CNTNAP2: variants seen among roughly 807,000 people sequenced by gnomAD.
CNTNAP2 encodes the protein contactin associated protein 2.
A neutral mutation model predicts 155.2 loss-of-function variants in CNTNAP2; 98 were observed. The observed-to-expected ratio is 0.63, with a 90% CI of 0.54 to 0.75. CNTNAP2 has a LOEUF of 0.75. Among genes scored for constraint, CNTNAP2 ranks in the 30% least tolerant of loss-of-function variants. The pLI is 0.00. For missense variants in CNTNAP2, 1,727 were observed against 1,688.1 expected (o/e 1.02, Z -0.40); for synonymous variants, 651 against 631.2 (o/e 1.03, Z -0.47).
chr7:147,157,220 A>G (rs957601984), intron 8 of CNTNAP2, among the ~76,000 whole-genome samples: 1 of 152,138 alleles, frequency 6.6e-6, no homozygotes, highest in Non-Finnish European at 1.5e-5. Context: ...TGCCAGAAAC[A>G]TTCACATTAG....
At chr7:147,178,913 T>TG (rs1426156640) in intron 8 of CNTNAP2, among the ~76,000 whole-genome samples, 1 of 152,202 alleles carries the variant, frequency 6.6e-6, no homozygotes, top group Non-Finnish European at 1.5e-5. Context: ...AAGTTCATTG[T>TG]GGAAAGATGA....
chr7:147,130,711 T>C (rs1444243663), intron 7 of CNTNAP2, among the ~76,000 whole-genome samples: 1 of 152,208 alleles, frequency 6.6e-6, no homozygotes, highest in Non-Finnish European at 1.5e-5. Context: ...TCAGTGAAAT[T>C]GACTGAGCAC....
At chr7:146,675,933 T>G (rs1800390905) in intron 1 of CNTNAP2, among the ~76,000 whole-genome samples, 1 of 152,186 alleles carries the variant, frequency 6.6e-6, no homozygotes, top group Non-Finnish European at 1.5e-5. Flanking sequence ...CCATTTCTCT[T>G]GCATACTAGG....
At chr7:147,733,903 A>T (rs1796790766) in intron 13 of CNTNAP2, among the ~76,000 whole-genome samples, 1 of 152,230 alleles carries the variant, frequency 6.6e-6, no homozygotes. Context: ...TATCAGCTTA[A>T]GGAGATTTTG....
chr7:148,107,755 G>A (rs1398652474), intron 15 of CNTNAP2, among the ~76,000 whole-genome samples: 1 of 152,204 alleles, frequency 6.6e-6, no homozygotes, highest in South Asian at 2.1e-4. Flanking sequence ...ATAACTCAGA[G>A]AATCTGCAAA....
intron 10 of CNTNAP2, among the ~76,000 whole-genome samples, chr7:147,410,930 G>A (rs1210131717): frequency 6.6e-6 from 1 of 152,118 alleles, no homozygotes; most frequent in Non-Finnish European, 1.5e-5. Context: ...ATGCTGTATT[G>A]CAAGAATGAG....
intron 11 of CNTNAP2, among the ~76,000 whole-genome samples, chr7:147,502,976 C>T (rs1798846343): frequency 6.6e-6 from 1 of 151,992 alleles, no homozygotes; most frequent in Non-Finnish European, 1.5e-5. Flanking sequence ...TGTGCTTTTC[C>T]TGACAGATGA....
At chr7:147,025,451 G>A (rs1798897103) in intron 3 of CNTNAP2, among the ~76,000 whole-genome samples, 1 of 13,626 alleles carries the variant, frequency 7.3e-5, no homozygotes, top group Non-Finnish European at 1.3e-4. Context: ...GGGGAGGGGA[G>A]GAGGGGGAGG....
At chr7:146,784,223 G>T (rs766166103) in intron 2 of CNTNAP2, among the ~76,000 whole-genome samples, 1 of 151,954 alleles carries the variant, frequency 6.6e-6, no homozygotes, top group Non-Finnish European at 1.5e-5. Flanking sequence ...CTTAATATTT[G>T]CTATTGAGAA....
In CNTNAP2 at chr7:148,409,413, T is replaced by C. The variant is rs763106283; in HGVS notation, c.3738T>C (p.Asn1246=). Residue 1246 remains asparagine (N), a synonymous_variant, in exon 23 of 24, where the codon AAT becomes AAC. Coordinates refer to ENST00000361727, the MANE Select transcript of CNTNAP2 (RefSeq NM_014141.6). ...CAGCCAGTGCGGATTTTCCATATAA[T>C]CCAGGACAAGGCCAAGCTATAAGAA... ...LDSASADFPY[N]PGQGQAIRNG... 12 of 1,613,614 alleles carry C rather than the reference T, an allele frequency of 7.4e-6. No homozygotes were observed. The highest frequency in any genetic ancestry group is 9.3e-6 in the Non-Finnish European group (11 of 1,179,690).
chr7:146,543,823 C>G (rs58863609), intron 1 of CNTNAP2, among the ~76,000 whole-genome samples: 6,550 of 151,950 alleles, frequency 0.043, 476 homozygotes, highest in African/African-American at 0.15. Flanking sequence ...AACTACTTAA[C>G]TAAACTTTCC....
intron 1 of CNTNAP2, among the ~76,000 whole-genome samples, chr7:146,158,636 G>T (rs931401431): frequency 2.0e-5 from 3 of 152,084 alleles, no homozygotes; most frequent in African/African-American, 4.8e-5. Flanking sequence ...TGGAAGAAAG[G>T]GTACCAGTGA....
At chr7:147,556,585 T>C (rs1230347416) in intron 11 of CNTNAP2, among the ~76,000 whole-genome samples, 1 of 152,128 alleles carries the variant, frequency 6.6e-6, no homozygotes, top group Admixed American at 6.5e-5. Context: ...AGGAGGGAAA[T>C]TCCACCTAAT....
chr7:146,928,407 T>C (rs189671020), intron 3 of CNTNAP2, among the ~76,000 whole-genome samples: 1 of 152,328 alleles, frequency 6.6e-6, no homozygotes, highest in East Asian at 1.9e-4. Flanking sequence ...GATGTGTTCA[T>C]AGGCTATTTT....
chr7:147,235,186 T>G (rs1181666752), intron 8 of CNTNAP2, among the ~76,000 whole-genome samples: 1 of 150,990 alleles, frequency 6.6e-6, no homozygotes, highest in African/African-American at 2.4e-5. Flanking sequence ...TTAGACATTG[T>G]TTTTTTTTCC....
At chr7:146,176,094 ACTT>A (rs150668876) in intron 1 of CNTNAP2, among the ~76,000 whole-genome samples, 1,565 of 152,322 alleles carry the variant, frequency 0.01, 25 homozygotes, top group African/African-American at 0.036. Context: ...AGACATTTAA[ACTT>A]CTTCTTTTAC....
At chr7:147,183,158 A>T (rs562077449) in intron 8 of CNTNAP2, among the ~76,000 whole-genome samples, 16 of 152,206 alleles carry the variant, frequency 1.1e-4, no homozygotes, top group Admixed American at 1.0e-3. Context: ...GTTAGAAAAA[A>T]AAAAAGGAAA....
At chr7:148,142,416 A>G (rs1805093682) in intron 16 of CNTNAP2, among the ~76,000 whole-genome samples, 1 of 152,170 alleles carries the variant, frequency 6.6e-6, no homozygotes. Context: ...AAACAAAAAA[A>G]GATATTGATA....
intron 12 of CNTNAP2, among the ~76,000 whole-genome samples, chr7:147,622,492 ACT>A (rs759443732): frequency 1.3e-5 from 2 of 152,048 alleles, no homozygotes; most frequent in Non-Finnish European, 2.9e-5. Context: ...AATTTTTGAA[ACT>A]CTACAAATAC....
Sources: allele counts gnomAD v4.1 joint callset (sites outside exome capture counted in the v4.1 genomes callset), GRCh38; gene constraint gnomAD v4.1.1; transcripts MANE v1.5; gene names NCBI Gene and HGNC (gene_info 2026-07-23, HGNC 2026-07-21).